DEPDC4: variants seen among roughly 807,000 people sequenced by gnomAD.
DEPDC4 encodes the protein DEP domain-containing protein 4.
In DEPDC4, 52 loss-of-function variants were observed where a neutral mutation model predicts 52.0. The ratio of observed to expected loss-of-function variants is 1.00; its 90% CI spans 0.80 to 1.26. The LOEUF is 1.26. DEPDC4 is among the 50% of genes most tolerant of loss of function. DEPDC4 has a pLI of 0.00. For synonymous variants in DEPDC4, 201 were observed against 196.8 expected (o/e 1.02, Z -0.18); for missense variants, 530 against 546.9 (o/e 0.97, Z 0.31).
At chr12:100,239,870 C>G (rs1033033361), downstream of DEPDC4, among the ~76,000 whole-genome samples, 2 of 151,992 alleles carry the variant, frequency 1.3e-5, no homozygotes, top group Admixed American at 1.3e-4. Context: ...AGTGAGACTC[C>G]ATCTCTACAA....
At chr12:100,267,209 C>T (rs879261638), upstream of DEPDC4, 9 of 957,330 alleles carry the variant, frequency 9.4e-6, no homozygotes, top group South Asian at 1.7e-5. Flanking sequence ...TCTTCGTCCC[C>T]GGTCCCTCCC....
At chr12:100,281,857 A>T in the DEPDC4 span, among the ~76,000 whole-genome samples, 1 of 151,822 alleles carries the variant, frequency 6.6e-6, no homozygotes, top group Non-Finnish European at 1.5e-5. Context: ...AAAAGAAAGT[A>T]CAAATTTATT....
intron 1 of DEPDC4, among the ~76,000 whole-genome samples, chr12:100,266,693 T>C (rs1204904445): frequency 1.3e-5 from 2 of 152,182 alleles, no homozygotes; most frequent in Admixed American, 1.3e-4. Context: ...ATATTAAAGT[T>C]TGAGAAAAAA....
chr12:100,268,317 G>A (rs1009628945), upstream of DEPDC4, among the ~76,000 whole-genome samples: 1 of 152,192 alleles, frequency 6.6e-6, no homozygotes, highest in South Asian at 2.1e-4. Context: ...CTCCAAATCA[G>A]CCTGCCACTG....
In DEPDC4 at chr12:100,262,303, T is replaced by TA. The variant is rs1369000897; in HGVS notation, c.660dup (p.Ile221TyrfsTer42). 6.2e-7 allele frequency: 1 copy of TA among 1,612,396 alleles called. No homozygotes were observed. Among genetic ancestry groups the TA allele is most frequent in the Non-Finnish European group, 8.5e-7 (1 of 1,179,706 alleles). On this transcript the variant is annotated frameshift_variant, in exon 3 of 10. Transcript: ENST00000550587. LOFTEE classifies it high-confidence loss of function. Reference sequence around the variant, plus strand: ...CGGAGAAAAGGTTTCTGAACTGTGATATTTGGACATAAAGCTGGATTCCCA... The same window carrying TA: ...CGGAGAAAAGGTTTCTGAACTGTGATAATTTGGACATAAAGCTGGATTCCCA...
At chr12:100,258,470 G>A (rs1269417327) in intron 3 of DEPDC4, among the ~76,000 whole-genome samples, 1 of 152,162 alleles carries the variant, frequency 6.6e-6, no homozygotes, top group Non-Finnish European at 1.5e-5. Flanking sequence ...CAACAGCCCA[G>A]TAAGTAAAAA....
downstream of DEPDC4, chr12:100,238,073 A>G (rs2096144592): frequency 1.0e-6 from 1 of 983,380 alleles, no homozygotes; most frequent in African/African-American, 1.8e-5. Flanking sequence ...CTCTTCAGGT[A>G]CCCTCTCAGG....
At chr12:100,259,069 T>TC (rs2096244440) in intron 3 of DEPDC4, among the ~76,000 whole-genome samples, 1 of 139,870 alleles carries the variant, frequency 7.1e-6, no homozygotes, top group African/African-American at 3.0e-5. Context: ...AAAATCTGTC[T>TC]CAAAAAAAAA....
intron 8 of DEPDC4, among the ~76,000 whole-genome samples, chr12:100,248,116 GTA>G (rs2096193526): frequency 1.3e-5 from 2 of 151,994 alleles, no homozygotes; most frequent in Admixed American, 6.6e-5. Context: ...GTAGGGCTCA[GTA>G]TATGTGTCAG....
rs1227030034 is a variant in DEPDC4, at chr12:100,263,744, G to A, written c.307C>T (p.His103Tyr). The change falls in exon 2 of 10, where the codon CAT (histidine) becomes TAT (tyrosine). Residue 103 changes from histidine to tyrosine, a missense_variant. Coordinates refer to ENST00000550587, the MANE Select transcript of DEPDC4 (RefSeq NM_001364818.2). ...CTTAGGCACGTGTTTTGCATAAGATGACTTAAGACCACATCGACAGCATCA... is the reference window on the plus strand; with the variant it reads ...CTTAGGCACGTGTTTTGCATAAGATAACTTAAGACCACATCGACAGCATCA... The part of the protein sequence containing the change: ...GSDAVDVVLS[H>Y]LMQNTCLSSN... 1 of 1,614,106 alleles carries A rather than the reference G, an allele frequency of 6.2e-7. No individual in the cohort carries two copies. The highest frequency in any genetic ancestry group is 1.1e-5 in the South Asian group (1 of 91,070).
intron 7 of DEPDC4, among the ~76,000 whole-genome samples, chr12:100,251,780 C>A: frequency 6.6e-6 from 1 of 152,106 alleles, no homozygotes; most frequent in East Asian, 1.9e-4. Context: ...GTTGGCCAGG[C>A]TGGTCTTGAA....
chr12:100,237,922 T>C (rs1028829489), downstream of DEPDC4: 1 of 214,790 alleles, frequency 4.7e-6, no homozygotes, highest in African/African-American at 2.3e-5. Flanking sequence ...CTTAAAGCAT[T>C]TGTCAAAGTA....
chr12:100,261,009 G>A (rs1280090494), intron 3 of DEPDC4, among the ~76,000 whole-genome samples: 2 of 151,552 alleles, frequency 1.3e-5, no homozygotes, highest in South Asian at 2.1e-4. Flanking sequence ...GGTGAAACCC[G>A]TGTCTACTAA....
chr12:100,253,106 C>T (rs1041637807), intron 5 of DEPDC4, among the ~76,000 whole-genome samples: 4 of 152,128 alleles, frequency 2.6e-5, no homozygotes, highest in Non-Finnish European at 5.9e-5. Flanking sequence ...TTAGTAGAGA[C>T]AGGGTTTCAC....
chr12:100,238,057 C>G, downstream of DEPDC4: 1 of 983,960 alleles, frequency 1.0e-6, no homozygotes, highest in Non-Finnish European at 1.2e-6. Flanking sequence ...AATATTTTCC[C>G]GGTATCTCTT....
intron 8 of DEPDC4, among the ~76,000 whole-genome samples, chr12:100,245,394 C>G (rs569420702): frequency 6.6e-6 from 1 of 152,138 alleles, no homozygotes; most frequent in Non-Finnish European, 1.5e-5. Flanking sequence ...AGCCTCCCAA[C>G]TAGCTGGGAT....
chr12:100,241,797 T>G lies in DEPDC4; in HGVS notation c.*95A>C, dbSNP rs2096159806. On this transcript the variant is annotated 3_prime_UTR_variant, in exon 10 of 10. Transcript: ENST00000550587. Reference sequence around the variant, plus strand: ...GTGTAGATACTGAATTGTCCTTCCCTTCTGCTTTTCAAACTCCTTGTATGT... The same window carrying G: ...GTGTAGATACTGAATTGTCCTTCCCGTCTGCTTTTCAAACTCCTTGTATGT... The G allele has an allele frequency of 8.0e-7, 1 of 1,256,498 alleles. No individual in the cohort carries two copies. Among genetic ancestry groups the G allele is most frequent in the African/African-American group, 1.6e-5 (1 of 64,142 alleles). The allele number at this position is 1,256,498 out of a possible 1,614,324, so 77.8% of individuals were successfully genotyped here.
chr12:100,261,099 T>C (rs954331576), intron 3 of DEPDC4, among the ~76,000 whole-genome samples: 1 of 150,530 alleles, frequency 6.6e-6, no homozygotes, highest in African/African-American at 2.5e-5. Context: ...GAGAATCACT[T>C]GAACCTGGGA....
intron 3 of DEPDC4, among the ~76,000 whole-genome samples, chr12:100,261,037 C>T (rs1312540199): frequency 3.3e-5 from 5 of 151,854 alleles, no homozygotes; most frequent in African/African-American, 9.7e-5. Context: ...AAAAATTAGC[C>T]GGGTGTGGTG....
Sources: gnomAD v4.1 joint callset for allele counts (sites outside exome capture counted in the v4.1 genomes callset) on GRCh38, gnomAD v4.1.1 for gene constraint, MANE v1.5 for transcripts, NCBI Gene and HGNC (gene_info 2026-07-23, HGNC 2026-07-21) for gene names.